The following BAZ1B variants were observed in gnomAD, a reference collection of about 807,000 sequenced individuals.
BAZ1B encodes tyrosine-protein kinase BAZ1B.
BAZ1B carries 22 observed loss-of-function variants against 153.8 expected under a neutral mutation model. The ratio of observed to expected loss-of-function variants is 0.14; its 90% CI spans 0.10 to 0.20. The LOEUF is 0.20. Among genes scored for constraint, BAZ1B ranks in the 10% least tolerant of loss-of-function variants. The pLI, the probability that BAZ1B is intolerant of heterozygous loss-of-function variation, is 1.00. For synonymous variants in BAZ1B, 676 were observed against 633.4 expected (o/e 1.07, Z -1.01); for missense variants, 1,325 against 1,799.3 (o/e 0.74, Z 4.77).
At chr7:73,501,234 T>C (rs1250080565) in intron 3 of BAZ1B, among the ~76,000 whole-genome samples, 1 of 151,906 alleles carries the variant, frequency 6.6e-6, no homozygotes, top group Admixed American at 6.6e-5. Flanking sequence ...CCAGCCTGGG[T>C]AACAAGAATG....
At chr7:73,454,656 G>C (rs921938055) in intron 13 of BAZ1B, among the ~76,000 whole-genome samples, 2 of 152,278 alleles carry the variant, frequency 1.3e-5, no homozygotes, top group East Asian at 3.9e-4. Flanking sequence ...GGCCTATGCT[G>C]CCCCTCCCAT....
intron 9 of BAZ1B, among the ~76,000 whole-genome samples, chr7:73,468,490 A>C (rs1437190039): frequency 6.6e-6 from 1 of 152,148 alleles, no homozygotes; most frequent in Non-Finnish European, 1.5e-5. Flanking sequence ...TAACCTAACC[A>C]TCTTATTTTT....
At chr7:73,508,671 A>T (rs1790446147) in intron 2 of BAZ1B, among the ~76,000 whole-genome samples, 200 bp from the exon 3 acceptor site, 1 of 152,184 alleles carries the variant, frequency 6.6e-6, no homozygotes, top group African/African-American at 2.4e-5. Context: ...CCTACCTCTC[A>T]GGTAGCTGGG....
chr7:73,454,951 G>GC (rs782746663), intron 13 of BAZ1B, among the ~76,000 whole-genome samples: 3 of 152,024 alleles, frequency 2.0e-5, no homozygotes, highest in African/African-American at 4.8e-5. Context: ...TACCTCCCGG[G>GC]CTCAAGTGAT....
intron 12 of BAZ1B, among the ~76,000 whole-genome samples, chr7:73,461,987 G>A (rs1319773709): frequency 6.6e-6 from 1 of 152,146 alleles, no homozygotes; most frequent in African/African-American, 2.4e-5. Context: ...GGCTGGTCTC[G>A]ACCTGCTGGG....
Position 73,450,330 on chromosome 7 carries a change from C to T in BAZ1B, c.3580+517G>A, listed in dbSNP as rs1787989967. The stretch of plus-strand genomic sequence containing the variant: ...CATTCTAGAGCGATTGAACGCTTTA[C>T]AGCAACTGAATGATTTTACGTAGAT... On this transcript the variant is annotated intron_variant, in intron 14 of 19. Transcript: ENST00000339594. This position sits in a 1 kb window ranked among gnomAD's most constrained non-coding sequence, Gnocchi z 4.1. Among the ~76,000 whole-genome samples, 1 of 152,218 alleles carries T rather than the reference C, an allele frequency of 6.6e-6. No individual in the cohort carries two copies. The highest frequency in any genetic ancestry group is 1.5e-5 in the Non-Finnish European group (1 of 68,034).
chr7:73,459,184 G>GT (rs1244567017), intron 13 of BAZ1B, among the ~76,000 whole-genome samples: 1 of 151,374 alleles, frequency 6.6e-6, no homozygotes, highest in African/African-American at 2.4e-5. Context: ...GGAGGCGGAG[G>GT]TTGTAGTGAG....
intron 4 of BAZ1B, 124 bp downstream of exon 4, chr7:73,498,373 A>G: frequency 1.1e-6 from 1 of 897,670 alleles, no homozygotes; most frequent in Non-Finnish European, 1.7e-6. Flanking sequence ...TGAATCATAA[A>G]TGAACAAAAT....
intron 3 of BAZ1B, among the ~76,000 whole-genome samples, chr7:73,502,418 C>T (rs1554577274): frequency 1.3e-5 from 2 of 151,832 alleles, no homozygotes; most frequent in Non-Finnish European, 1.5e-5. Flanking sequence ...ACCTGTGTAC[C>T]CACCATACAG....
intron 1 of BAZ1B, among the ~76,000 whole-genome samples, chr7:73,516,167 G>A (rs1383805371): frequency 1.3e-5 from 2 of 151,346 alleles, no homozygotes; most frequent in Non-Finnish European, 2.9e-5. Flanking sequence ...GAAAAATGTG[G>A]TTTTCTTTTT....
chr7:73,483,989 C>T (rs1281436880), intron 6 of BAZ1B, among the ~76,000 whole-genome samples: 4 of 152,110 alleles, frequency 2.6e-5, no homozygotes, highest in Non-Finnish European at 5.9e-5. Context: ...AAAATCAGGC[C>T]GGGTGTGGTG....
rs1217063134 is a variant in BAZ1B at position 73,498,840 on chromosome 7, G to T, written c.370-142C>A. On this transcript the variant is annotated intron_variant, in intron 3 of 19. Transcript: ENST00000339594. ...GTAAAGTATCCAAGTACAATGAAGT[G>T]TTTTCAACTTTTTTTCTCAGACTTC... is the stretch of plus-strand genomic sequence containing the variant. 9.5e-5 allele frequency: 66 copies of T among 692,664 alleles called. No individual in the cohort carries two copies. The East Asian group carries it at 1.7e-3, about 18-fold the overall frequency. 42.9% of individuals were successfully genotyped at this position (692,664 alleles called of 1,614,324 possible). A position where few individuals can be genotyped will look rare whatever the true frequency, so the allele number is the denominator to read the frequency against.
At chr7:73,457,989 T>C (rs1554569779) in intron 13 of BAZ1B, among the ~76,000 whole-genome samples, 2 of 152,196 alleles carry the variant, frequency 1.3e-5, no homozygotes, top group African/African-American at 4.8e-5. Flanking sequence ...TCCTTCAAAA[T>C]GACCCGGTTA....
chr7:73,456,470 A>C (rs1554569536), intron 13 of BAZ1B, among the ~76,000 whole-genome samples: 4 of 152,226 alleles, frequency 2.6e-5, no homozygotes. Flanking sequence ...AAAAAATCCA[A>C]TTGAAAAATG....
chr7:73,446,742 T>C (rs1011468515), intron 16 of BAZ1B, among the ~76,000 whole-genome samples: 30 of 152,094 alleles, frequency 2.0e-4, no homozygotes, highest in Admixed American at 6.6e-4. Context: ...TGAGAACAGA[T>C]CTGAATCTTC....
In BAZ1B at chr7:73,452,122, G is replaced by A. The variant is rs562215542; in HGVS notation, c.3433-1128C>T. The stretch of plus-strand genomic sequence containing the variant: ...CATTAAAACTTTTTTTAAATTTGAA[G>A]GTGTTTTGGGAATAGGCTTATTTAA... On this transcript the variant is annotated intron_variant, in intron 13 of 19. Transcript: ENST00000339594. 3.3e-5 allele frequency among the ~76,000 whole-genome samples: 5 copies of A among 152,150 alleles called. No homozygotes were observed. The East Asian group carries it at 9.6e-4, about 29-fold the overall frequency.
At chr7:73,480,106 C>T (rs1583917068) in intron 6 of BAZ1B, among the ~76,000 whole-genome samples, 1 of 150,206 alleles carries the variant, frequency 6.7e-6, no homozygotes, top group Non-Finnish European at 1.5e-5. Context: ...TGCAGTGAGC[C>T]GAGATCACGC....
chr7:73,472,487 AC>A (rs1554572132), intron 7 of BAZ1B, among the ~76,000 whole-genome samples: 1 of 152,004 alleles, frequency 6.6e-6, no homozygotes, highest in Non-Finnish European at 1.5e-5. Context: ...TGAACTCCCA[AC>A]CTCAGGTGAT....
At chr7:73,459,506 C>A in intron 13 of BAZ1B, 30 bp downstream of exon 13, 1 of 1,599,796 alleles carries the variant, frequency 6.3e-7, no homozygotes, top group South Asian at 1.1e-5. Context: ...TCTACGGAAT[C>A]ATAAACTACA....
Sources: gnomAD v4.1 joint callset for allele counts (sites outside exome capture counted in the v4.1 genomes callset) on GRCh38, gnomAD v4.1.1 for gene constraint, Gnocchi (gnomAD v3.1) non-coding constraint, MANE v1.5 for transcripts, NCBI Gene and HGNC (gene_info 2026-07-23, HGNC 2026-07-21) for gene names.